Variants in RMDN2 observed in about 807,000 individuals in gnomAD.
RMDN2 encodes the protein regulator of microtubule dynamics protein 2.
Under a neutral mutation model 52.8 loss-of-function variants are expected in RMDN2, and 61 were observed. The observed-to-expected ratio is 1.16, with a 90% confidence interval of 0.94 to 1.43. RMDN2 has a LOEUF of 1.43. RMDN2 is among the 40% of genes most tolerant of loss of function. The probability of loss-of-function intolerance (pLI) is 0.00; values close to 1 mark genes in which losing one functional copy is unlikely to be tolerated. For missense variants in RMDN2, 592 were observed against 475.3 expected (o/e 1.25, Z -2.28); for synonymous variants, 180 against 153.1 (o/e 1.18, Z -1.30).
At chr2:37,988,660 C>T (rs887978175) in intron 5 of RMDN2, among the ~76,000 whole-genome samples, 3 of 152,112 alleles carry the variant, frequency 2.0e-5, no homozygotes, top group Non-Finnish European at 4.4e-5. Flanking sequence ...CATTTTTCAT[C>T]TTAGTTACTA....
chr2:38,016,733 C>G (rs1301085861), intron 10 of RMDN2, among the ~76,000 whole-genome samples: 2 of 152,046 alleles, frequency 1.3e-5, no homozygotes, highest in African/African-American at 2.4e-5. Flanking sequence ...GGGCTAAACC[C>G]TACACCCTTC....
At chr2:37,977,697 T>C (rs12712568) in intron 4 of RMDN2, among the ~76,000 whole-genome samples, 147,307 of 151,348 alleles carry the variant, frequency 0.97, 71,719 homozygotes, top group Middle Eastern at 1. Context: ...CGCGGCCGGG[T>C]AGAGGCGCTC....
chr2:38,003,548 A>ATAGATAGT (rs1317007122), intron 8 of RMDN2, among the ~76,000 whole-genome samples: 1 of 108,580 alleles, frequency 9.2e-6, no homozygotes, highest in Non-Finnish European at 1.9e-5. Flanking sequence ...GCAAGACCTG[A>ATAGATAGT]TAGATAGATA....
intron 2 of RMDN2, among the ~76,000 whole-genome samples, chr2:37,970,881 C>T (rs1220700042): frequency 6.6e-6 from 1 of 151,918 alleles, no homozygotes. Context: ...TGCAGAGTTG[C>T]CCATTTTTAA....
At chr2:37,976,951 T>A (rs1182166289) in intron 4 of RMDN2, among the ~76,000 whole-genome samples, 1 of 152,018 alleles carries the variant, frequency 6.6e-6, no homozygotes, top group Non-Finnish European at 1.5e-5. Context: ...CAGATAAACA[T>A]GTGAACAAAG....
chr2:38,060,859 A>T (rs113128894), intron 10 of RMDN2, among the ~76,000 whole-genome samples: 2,063 of 152,248 alleles, frequency 0.014, 70 homozygotes, highest in African/African-American at 0.048. Context: ...ATCCCCCCAA[A>T]CAGAACACGA....
intron 10 of RMDN2, among the ~76,000 whole-genome samples, chr2:38,032,582 G>A (rs753150336): frequency 6.6e-6 from 1 of 152,208 alleles, no homozygotes; most frequent in African/African-American, 2.4e-5. Flanking sequence ...GCTCATGCCT[G>A]TAATCCCAGC....
At chr2:38,032,860 C>G (rs1210279653) in intron 10 of RMDN2, 1 of 151,878 alleles carries the variant, frequency 6.6e-6, no homozygotes, top group Non-Finnish European at 1.5e-5. Context: ...AAAAAAAAAT[C>G]ACATATAATT....
intron 10 of RMDN2, among the ~76,000 whole-genome samples, chr2:38,009,262 A>G (rs1179671127): frequency 7.9e-5 from 12 of 152,120 alleles, no homozygotes; most frequent in African/African-American, 2.9e-4. Flanking sequence ...GCTTTGCTAG[A>G]TTGGGGAAGT....
chr2:37,931,556 A>G (rs150041731), intron 2 of RMDN2, among the ~76,000 whole-genome samples: 22 of 152,374 alleles, frequency 1.4e-4, no homozygotes, highest in Non-Finnish European at 3.2e-4. Context: ...AAAAGGGTGA[A>G]TGGCCTTCAA....
At chr2:37,941,798 A>G (rs1339186957) in intron 2 of RMDN2, among the ~76,000 whole-genome samples, 1 of 152,042 alleles carries the variant, frequency 6.6e-6, no homozygotes, top group Non-Finnish European at 1.5e-5. Flanking sequence ...GTCAGCGAGA[A>G]TTTCCAGCCA....
Position 37,974,221 on chromosome 2 carries a change from G to C in RMDN2, c.627+7G>C, listed in dbSNP as rs1231455387. The C allele has an allele frequency of 6.2e-7, 1 of 1,603,702 alleles. No individual in the cohort carries two copies. The highest frequency in any genetic ancestry group is 2.2e-5 in the East Asian group (1 of 44,466). On this transcript the variant is annotated splice_region_variant and intron_variant, in intron 3 of 10. Transcript: ENST00000354545. ...TCGTGACCACAAAGAAAAGGTAAGA[G>C]ACATAACAATAGCACTTCGTATAGT...
intron 8 of RMDN2, among the ~76,000 whole-genome samples, chr2:38,000,736 G>A (rs1177490801): frequency 6.6e-6 from 1 of 152,144 alleles, no homozygotes; most frequent in African/African-American, 2.4e-5. Flanking sequence ...TTGTTTATGT[G>A]TTAACTTACT....
intron 2 of RMDN2, among the ~76,000 whole-genome samples, chr2:37,947,267 T>A (rs1668298018): frequency 6.6e-6 from 1 of 152,148 alleles, no homozygotes. Context: ...CATTATTTAG[T>A]TCCTACTTAT....
intron 2 of RMDN2, among the ~76,000 whole-genome samples, chr2:37,942,692 A>T (rs1486492784): frequency 6.6e-6 from 1 of 152,078 alleles, no homozygotes; most frequent in African/African-American, 2.4e-5. Context: ...TTCATCATTC[A>T]TTTGCCATTT....
intron 2 of RMDN2, among the ~76,000 whole-genome samples, chr2:37,969,279 C>T (rs937416790): frequency 3.3e-5 from 5 of 151,838 alleles, no homozygotes; most frequent in Admixed American, 2.0e-4. Flanking sequence ...CTCAGAATTG[C>T]ATTAAAAGTA....
At chr2:37,935,912 T>A (rs1428232942) in intron 2 of RMDN2, among the ~76,000 whole-genome samples, 4 of 152,216 alleles carry the variant, frequency 2.6e-5, no homozygotes, top group African/African-American at 4.8e-5. Flanking sequence ...TTTTTTCTTT[T>A]ATTAACTTTA....
chr2:38,030,209 A>G (rs1335251024), intron 10 of RMDN2: 1 of 152,220 alleles, frequency 6.6e-6, no homozygotes, highest in Non-Finnish European at 1.5e-5. Context: ...TACTCCCCAC[A>G]AAAACATTAC....
intron 4 of RMDN2, among the ~76,000 whole-genome samples, chr2:37,979,834 T>A (rs1231912393): frequency 6.6e-6 from 1 of 152,198 alleles, no homozygotes; most frequent in African/African-American, 2.4e-5. Flanking sequence ...ATTCATTTGG[T>A]AATGTAGCTA....
Sources: gnomAD v4.1 joint callset for allele counts (sites outside exome capture counted in the v4.1 genomes callset) on GRCh38, gnomAD v4.1.1 for gene constraint, MANE v1.5 for transcripts, NCBI Gene and HGNC (gene_info 2026-07-23, HGNC 2026-07-21) for gene names.